CEP112: variants seen among roughly 807,000 people sequenced by gnomAD.
CEP112 encodes the protein centrosomal protein of 112 kDa.
CEP112 carries 127 observed loss-of-function variants against 153.0 expected under a neutral mutation model. That is an observed-to-expected ratio of 0.83 (90% confidence interval 0.72 to 0.96). The LOEUF (loss-of-function observed/expected upper bound fraction) is 0.96, where lower values mean the gene tolerates loss of function less well. Among genes scored for constraint, CEP112 ranks in the 40% least tolerant of loss-of-function variants. The pLI is 0.00. For synonymous variants in CEP112, 358 were observed against 374.4 expected (o/e 0.96, Z 0.51); for missense variants, 1,089 against 1,101.2 (o/e 0.99, Z 0.16).
chr17:65,770,332 T>A (rs1026547532), intron 21 of CEP112, among the ~76,000 whole-genome samples: 1 of 151,900 alleles, frequency 6.6e-6, no homozygotes, highest in African/African-American at 2.4e-5. Flanking sequence ...ATACAATGAA[T>A]CTTTAAAGTG....
chr17:66,150,506 TAGGCGTGAGCC>T (rs1212099986), intron 4 of CEP112, among the ~76,000 whole-genome samples: 2 of 152,060 alleles, frequency 1.3e-5, no homozygotes, highest in Non-Finnish European at 2.9e-5. Context: ...GCTGGGATTA[TAGGCGTGAGCC>T]ATCGCACCCA....
At chr17:66,145,300 A>G (rs1161735496) in intron 4 of CEP112, among the ~76,000 whole-genome samples, 1 of 152,122 alleles carries the variant, frequency 6.6e-6, no homozygotes, top group Non-Finnish European at 1.5e-5. Flanking sequence ...TTTATCAGAT[A>G]TATGTGATGA....
intron 17 of CEP112, among the ~76,000 whole-genome samples, chr17:65,971,666 A>G (rs534775652): frequency 9.3e-4 from 51 of 55,002 alleles, no homozygotes; most frequent in African/African-American, 2.2e-3. Context: ...ACATGCATGT[A>G]TGTTACATGC....
chr17:65,673,387 G>C (rs908075057), intron 24 of CEP112, among the ~76,000 whole-genome samples: 1 of 152,050 alleles, frequency 6.6e-6, no homozygotes, highest in Admixed American at 6.5e-5. Flanking sequence ...GAAAGTTCTC[G>C]GCCCTTAGTG....
chr17:65,841,305 G>A (rs1474917978), intron 21 of CEP112, among the ~76,000 whole-genome samples: 1 of 151,954 alleles, frequency 6.6e-6, no homozygotes, highest in African/African-American at 2.4e-5. Flanking sequence ...ACACAACAGA[G>A]TATGACTCAG....
intron 12 of CEP112, among the ~76,000 whole-genome samples, chr17:66,038,568 C>A (rs1443296): frequency 0.93 from 141,032 of 152,266 alleles, 65,551 homozygotes; most frequent in East Asian, 0.97. Context: ...GGAGTAAAAA[C>A]TTAGTCAAGA....
chr17:66,167,701 A>C (rs985875000), intron 4 of CEP112, among the ~76,000 whole-genome samples: 1 of 152,220 alleles, frequency 6.6e-6, no homozygotes, highest in Non-Finnish European at 1.5e-5. Flanking sequence ...GATACACTAG[A>C]AAGAACATGG....
chr17:66,038,110 A>AAAAAAAAAAAAAAAAAAAG (rs71293591), intron 12 of CEP112, among the ~76,000 whole-genome samples: 2 of 120,648 alleles, frequency 1.7e-5, no homozygotes, highest in Non-Finnish European at 3.4e-5. Context: ...CAAAAAAAAA[A>AAAAAAAAAAAAAAAAAAAG]AAAAGAAAAG....
At chr17:66,126,192 T>C (rs1171896132) in intron 6 of CEP112, among the ~76,000 whole-genome samples, 2 of 152,242 alleles carry the variant, frequency 1.3e-5, no homozygotes, top group Non-Finnish European at 2.9e-5. Context: ...AACATACTTA[T>C]GACTTTTTCC....
At chr17:65,930,226 C>T (rs1461529157) in intron 18 of CEP112, among the ~76,000 whole-genome samples, 5 of 151,978 alleles carry the variant, frequency 3.3e-5, no homozygotes, top group Admixed American at 6.6e-5. Context: ...AGTTAAGACA[C>T]GAATATTGGA....
intron 2 of CEP112, among the ~76,000 whole-genome samples, chr17:66,178,525 G>A (rs2072583671): frequency 6.6e-6 from 1 of 152,032 alleles, no homozygotes; most frequent in Admixed American, 6.6e-5. Context: ...TCTTCACTTT[G>A]TTGATCGTTT....
At chr17:65,703,123 T>C (rs1328507113) in intron 23 of CEP112, among the ~76,000 whole-genome samples, 2 of 152,184 alleles carry the variant, frequency 1.3e-5, no homozygotes, top group East Asian at 3.9e-4. Context: ...GGGATTGGTG[T>C]CCTAACTCAA....
chr17:65,949,448 C>T (rs993471096), intron 18 of CEP112, among the ~76,000 whole-genome samples: 11 of 152,138 alleles, frequency 7.2e-5, no homozygotes. Flanking sequence ...GCACACTAGA[C>T]AGACAGATCA....
intron 24 of CEP112, among the ~76,000 whole-genome samples, chr17:65,671,450 A>G (rs1163581975): frequency 6.6e-6 from 1 of 152,192 alleles, no homozygotes; most frequent in African/African-American, 2.4e-5. Context: ...TGGTGTTTCT[A>G]TCCTGCATAT....
At chr17:65,911,957 A>G (rs2060298979) in intron 19 of CEP112, among the ~76,000 whole-genome samples, 1 of 152,182 alleles carries the variant, frequency 6.6e-6, no homozygotes, top group African/African-American at 2.4e-5. Context: ...AAATGCCAGT[A>G]GCTCCCTTCG....
chr17:65,926,807 G>A (rs1459615115), intron 19 of CEP112, among the ~76,000 whole-genome samples: 1 of 152,144 alleles, frequency 6.6e-6, no homozygotes, highest in Non-Finnish European at 1.5e-5. Flanking sequence ...CAAGCTCCAT[G>A]AGAGAGGAGG....
intron 1 of CEP112, 48 bp from the exon 2 acceptor site, chr17:66,183,355 C>A (rs1391749847): frequency 1.2e-5 from 15 of 1,265,974 alleles, no homozygotes; most frequent in Non-Finnish European, 1.6e-5. Context: ...ATGCTGAAAA[C>A]TACAAAACTC....
At chr17:65,722,582 T>C (rs2049951041) in intron 23 of CEP112, among the ~76,000 whole-genome samples, 1 of 152,230 alleles carries the variant, frequency 6.6e-6, no homozygotes, top group African/African-American at 2.4e-5. Context: ...TCTTTTCAGC[T>C]TCAAGATTCT....
chr17:65,862,904 AATTC>A (rs879482397), intron 20 of CEP112, among the ~76,000 whole-genome samples: 3 of 151,092 alleles, frequency 2.0e-5, no homozygotes, highest in Non-Finnish European at 4.5e-5. Flanking sequence ...GGAGACACTT[AATTC>A]TAATTATGTT....
Sources: allele counts gnomAD v4.1 joint callset (sites outside exome capture counted in the v4.1 genomes callset), GRCh38; gene constraint gnomAD v4.1.1; transcripts MANE v1.5; gene names NCBI Gene and HGNC (gene_info 2026-07-23, HGNC 2026-07-21).